Variants in SH3KBP1 observed in about 807,000 individuals in gnomAD.
SH3KBP1 encodes SH3 domain containing kinase binding protein 1, also known as SH3 domain-containing kinase-binding protein 1.
Under a neutral mutation model 50.1 loss-of-function variants are expected in SH3KBP1, and 8 were observed. The ratio of observed to expected loss-of-function variants is 0.16; its 90% confidence interval spans 0.09 to 0.29. The LOEUF is 0.29. SH3KBP1 is among the 10% of genes least tolerant of loss of function. SH3KBP1 has a pLI of 1.00. For synonymous variants in SH3KBP1, 227 were observed against 218.6 expected, an observed-to-expected ratio of 1.04 and a Z score of -0.34; for missense variants, 377 against 535.2, an observed-to-expected ratio of 0.70 and a Z score of 2.92.
At chrX:19,781,764 G>A (rs2066188599) in intron 2 of SH3KBP1, among the ~76,000 whole-genome samples, 1 of 111,426 alleles carries the variant, frequency 9.0e-6, no homozygotes, top group Non-Finnish European at 1.9e-5. Context: ...TGATGAAAAT[G>A]TTCTAAAGCA....
chrX:19,739,705 A>G (rs2064711298), intron 3 of SH3KBP1, among the ~76,000 whole-genome samples: 1 of 111,149 alleles, frequency 9.0e-6, no homozygotes, highest in East Asian at 2.8e-4. Flanking sequence ...AAAAAAATCC[A>G]TAAGTAATGT....
intron 16 of SH3KBP1, among the ~76,000 whole-genome samples, chrX:19,541,512 T>C (rs1358604172): frequency 8.9e-6 from 1 of 112,339 alleles, no homozygotes; most frequent in Non-Finnish European, 1.9e-5. Context: ...AACTGCTTCA[T>C]CTGGCAGCTA....
At chrX:19,537,649 A>G in intron 17 of SH3KBP1, 68 bp downstream of exon 17, 5 of 879,525 alleles carry the variant, frequency 5.7e-6, no homozygotes, top group Non-Finnish European at 8.3e-6. Flanking sequence ...TTTTGAAATA[A>G]AAGCCCTCAC....
At chrX:19,798,733 C>A (rs190127830) in intron 2 of SH3KBP1, among the ~76,000 whole-genome samples, 1 of 111,820 alleles carries the variant, frequency 8.9e-6, no homozygotes, top group African/African-American at 3.3e-5. Context: ...ACTTGGTGGC[C>A]ACAAAAGATG....
At chrX:19,843,300 G>A (rs1289059251) in intron 1 of SH3KBP1, among the ~76,000 whole-genome samples, 2 of 109,949 alleles carry the variant, frequency 1.8e-5, no homozygotes, top group East Asian at 2.8e-4. Flanking sequence ...GATTGCAAGC[G>A]TGAGCCACCA....
intron 6 of SH3KBP1, chrX:19,683,270 G>GGAAA (rs2063098292): frequency 2.8e-6 from 1 of 355,239 alleles, no homozygotes; most frequent in African/African-American, 2.6e-5. Context: ...GAAACAGCCA[G>GGAAA]CTTCCTGAAG....
intron 12 of SH3KBP1, among the ~76,000 whole-genome samples, chrX:19,569,748 C>T (rs2065950626): frequency 1.8e-5 from 2 of 111,454 alleles, no homozygotes; most frequent in Admixed American, 1.9e-4. Flanking sequence ...GATGGGTGCC[C>T]CATGCTCATC....
intron 8 of SH3KBP1, among the ~76,000 whole-genome samples, chrX:19,628,374 C>A (rs2061500598): frequency 9.0e-6 from 1 of 111,168 alleles, no homozygotes; most frequent in African/African-American, 3.3e-5. Flanking sequence ...CAGAGTAAAT[C>A]CTCGCAGCAG....
intron 1 of SH3KBP1, among the ~76,000 whole-genome samples, chrX:19,845,073 C>T (rs757117487): frequency 9.9e-5 from 11 of 110,767 alleles, no homozygotes; most frequent in Admixed American, 2.9e-4. Context: ...AGTGAGACTC[C>T]GTCTCAAAAA....
At chrX:19,725,273 C>T (rs1396002794) in intron 3 of SH3KBP1, among the ~76,000 whole-genome samples, 2 of 92,087 alleles carry the variant, frequency 2.2e-5, no homozygotes, top group Admixed American at 1.2e-4. Flanking sequence ...GGCAACATAG[C>T]AAGACCCTGT....
chrX:19,688,796 C>T (rs2148613046), intron 5 of SH3KBP1, among the ~76,000 whole-genome samples: 1 of 111,683 alleles, frequency 9.0e-6, no homozygotes, highest in Admixed American at 9.5e-5. Flanking sequence ...AAACTGGAGG[C>T]CAGTCATACA....
intron 3 of SH3KBP1, among the ~76,000 whole-genome samples, chrX:19,730,490 C>T (rs754659690): frequency 9.0e-6 from 1 of 110,689 alleles, no homozygotes; most frequent in Non-Finnish European, 1.9e-5. Flanking sequence ...CAAGTGGGCC[C>T]TAGGGAGAAA....
chrX:19,726,974 A>G (rs1357603145), intron 3 of SH3KBP1, among the ~76,000 whole-genome samples: 2 of 112,428 alleles, frequency 1.8e-5, no homozygotes, highest in Admixed American at 1.9e-4. Flanking sequence ...CTCTTGACCC[A>G]GAATTCTCTT....
intron 1 of SH3KBP1, among the ~76,000 whole-genome samples, chrX:19,876,333 G>T (rs1170001791): frequency 8.9e-6 from 1 of 111,815 alleles, no homozygotes; most frequent in Non-Finnish European, 1.9e-5. Flanking sequence ...TGCACTCCAG[G>T]CTGGGCAACA....
chrX:19,802,018 C>T (rs2066907458), intron 2 of SH3KBP1, among the ~76,000 whole-genome samples: 1 of 111,400 alleles, frequency 9.0e-6, no homozygotes, highest in Admixed American at 9.5e-5. Context: ...GCAGAGGTTG[C>T]AGTGATCCAA....
chrX:19,602,786 T>C lies in SH3KBP1; in HGVS notation c.1005+5152A>G, dbSNP rs150616592. 7.1e-3 allele frequency among the ~76,000 whole-genome samples: 798 copies of C among 111,737 alleles called. 4 individuals are homozygous for C. Among genetic ancestry groups the C allele is most frequent in the South Asian group, 0.026 (70 of 2,674 alleles). ...AGGACATGATGAATAATAAAGAAAA[T>C]GTTGACTAAGAACAGATTTTACGGA... On this transcript the variant is annotated intron_variant, in intron 9 of 17. Coordinates refer to ENST00000397821, the MANE Select transcript of SH3KBP1 (RefSeq NM_031892.3).
At position 19,583,466 on chromosome X, in the gene SH3KBP1, T is replaced by C. The variant is rs151237396; in HGVS notation, c.1298+5177A>G. 6.9e-3 allele frequency among the ~76,000 whole-genome samples: 769 copies of C among 111,543 alleles called. 9 individuals are homozygous for C. Among genetic ancestry groups the C allele is most frequent in the African/African-American group, 0.024 (743 of 30,794 alleles). ...CAGCGTGCCCAGCCCACCATTGAAT[T>C]TTTAAATCAATGCTGGTATTACATT... On this transcript the variant is annotated intron_variant, in intron 12 of 17. Transcript: ENST00000397821.
At chrX:19,828,946 A>G (rs2147382074) in intron 2 of SH3KBP1, among the ~76,000 whole-genome samples, 1 of 111,309 alleles carries the variant, frequency 9.0e-6, no homozygotes, top group East Asian at 2.8e-4. Context: ...TAAATTGACT[A>G]GTGTGGCGCA....
chrX:19,791,672 G>A (rs1046730912), intron 2 of SH3KBP1, among the ~76,000 whole-genome samples: 1 of 110,987 alleles, frequency 9.0e-6, no homozygotes, highest in African/African-American at 3.3e-5. Context: ...GAGAATTCAC[G>A]AGCATATAGC....
Sources: gnomAD v4.1 joint callset for allele counts (sites outside exome capture counted in the v4.1 genomes callset) on GRCh38, gnomAD v4.1.1 for gene constraint, MANE v1.5 for transcripts, NCBI Gene and HGNC (gene_info 2026-07-23, HGNC 2026-07-21) for gene names.